BCL9L: variants seen among roughly 807,000 people sequenced by gnomAD.
BCL9L encodes the protein BCL9 like.
In BCL9L, 19 loss-of-function variants were observed where a neutral mutation model predicts 99.4. That is an observed-to-expected ratio of 0.19 (90% CI 0.13 to 0.28). The LOEUF (loss-of-function observed/expected upper bound fraction) is 0.28. Among genes scored for constraint, BCL9L ranks in the 10% least tolerant of loss-of-function variants. BCL9L has a pLI of 1.00. For synonymous variants in BCL9L, 900 were observed against 854.8 expected, an observed-to-expected ratio of 1.05 and a Z score of -0.92; for missense variants, 2,023 against 2,101.6, an observed-to-expected ratio of 0.96 and a Z score of 0.73.
In BCL9L at chr11:118,900,758, G is replaced by A; in HGVS notation, c.2985C>T (p.Leu995=). ...VRSPTGSPSR[L]KSPSMAVPSP... ...AAGGCACCGCCATGGAAGGAGACTT[G>A]AGCCTGCTGGGCGAGCCAGTGGGTG... is the stretch of plus-strand genomic sequence containing the variant. Residue 995 remains leucine, a synonymous_variant, in exon 8 of 10, where the codon CTC becomes CTT. Transcript: ENST00000683865. The surrounding 1 kb of genome is among the most constrained non-coding windows in gnomAD (Gnocchi z 5.3). 2 of 1,613,800 alleles carry A rather than the reference G, an allele frequency of 1.2e-6. No individual in the cohort carries two copies. The highest frequency in any genetic ancestry group is 2.2e-5 in the East Asian group (1 of 44,878).
At chr11:118,915,834 T>G (rs774511356) in intron 2 of BCL9L, among the ~76,000 whole-genome samples, 1 of 152,150 alleles carries the variant, frequency 6.6e-6, no homozygotes, top group African/African-American at 2.4e-5. Context: ...TTCTGGAAAG[T>G]AGGGGGCCCA....
chr11:118,913,651 C>T (rs1310058197), intron 2 of BCL9L, among the ~76,000 whole-genome samples: 1 of 152,194 alleles, frequency 6.6e-6, no homozygotes, highest in Non-Finnish European at 1.5e-5. Context: ...CAGGCACAAA[C>T]AACCAACACA....
chr11:118,908,167 G>A, intron 4 of BCL9L, 103 bp downstream of exon 4: 1 of 1,435,878 alleles, frequency 7.0e-7, no homozygotes, highest in South Asian at 1.5e-5. Flanking sequence ...AAGAACGTGG[G>A]ATGAGGACTG....
chr11:118,918,241 G>GTT (rs1565629703), intron 2 of BCL9L, among the ~76,000 whole-genome samples: 10 of 152,090 alleles, frequency 6.6e-5, no homozygotes, highest in African/African-American at 2.4e-4. Context: ...AGTAAGGAAG[G>GTT]GGGGCTGGCG....
Position 118,903,031 on chromosome 11 carries a change from C to T in BCL9L, c.793G>A (p.Ala265Thr), listed in dbSNP as rs750469520. The change falls in exon 7 of 10, where the codon GCC (alanine) becomes ACC (threonine). Residue 265 changes from alanine (A) to threonine (T), a missense_variant. Physicochemically the swap from Ala to Thr is moderately conservative, Grantham distance 58. Coordinates refer to ENST00000683865, the MANE Select transcript of BCL9L (RefSeq NM_001378213.1). The surrounding 1 kb of genome is among the most constrained non-coding windows in gnomAD (Gnocchi z 5.6). ...VLQGRADSILAYHQQNVPRAK... is the reference protein window; with the variant it reads ...VLQGRADSILTYHQQNVPRAK... ...CGGGGCACGTTCTGCTGGTGGTAGG[C>T]GAGGATGGAGTCGGCCCGGCCCTGC... 3.0e-5 allele frequency: 48 copies of T among 1,594,462 alleles called. No homozygotes were observed. The highest frequency in any genetic ancestry group is 3.9e-5 in the Non-Finnish European group (46 of 1,174,468).
chr11:118,909,031 G>A (rs976358701), intron 3 of BCL9L, among the ~76,000 whole-genome samples: 5 of 152,212 alleles, frequency 3.3e-5, no homozygotes, highest in Non-Finnish European at 7.3e-5. Context: ...AAGATCTGCT[G>A]TCTTCAGACT....
chr11:118,901,347 T>G lies in BCL9L; in HGVS notation c.2396A>C (p.Lys799Thr), dbSNP rs745668931. 1.2e-6 allele frequency: 2 copies of G among 1,613,802 alleles called. No homozygotes were observed. The highest frequency in any genetic ancestry group is 1.7e-6 in the Non-Finnish European group (2 of 1,179,976). ...CATCAAGTCCCCAGGGCCCCGCATC[T>G]TCTGCGACATCAGCATCTGCTGCTG... is the stretch of plus-strand genomic sequence containing the variant. ...TPQQQMLMSQ[K>T]MRGPGDLMGP... Residue 799 changes from lysine (K) to threonine (T), a missense_variant, in exon 8 of 10, where the codon AAG becomes ACG. Transcript: ENST00000683865. The surrounding 1 kb of genome is among the most constrained non-coding windows in gnomAD (Gnocchi z 6.6).
intron 2 of BCL9L, among the ~76,000 whole-genome samples, chr11:118,912,785 A>G (rs1342242575): frequency 2.0e-5 from 3 of 152,098 alleles, no homozygotes; most frequent in Non-Finnish European, 4.4e-5. Context: ...CAGTGAGGAA[A>G]TGTTTTGGAG....
Position 118,901,136 on chromosome 11 carries a change from C to A in BCL9L, c.2607G>T (p.Met869Ile). 1 of 1,613,590 alleles carries A rather than the reference C, an allele frequency of 6.2e-7. No homozygotes were observed. The highest frequency in any genetic ancestry group is 8.5e-7 in the Non-Finnish European group (1 of 1,179,686). ...MSQDMGNTQD[M>I]FSPDQSSMPM... ...GCATTGAGCTCTGATCAGGGCTGAA[C>A]ATGTCTTGGGTATTGCCCATGTCCT... The change falls in exon 8 of 10, where the codon ATG becomes ATT. Residue 869 changes from methionine to isoleucine, a missense_variant. Physicochemically the swap from Met to Ile is conservative, Grantham distance 10 (BLOSUM62 1). Transcript: ENST00000683865. The surrounding 1 kb of genome is among the most constrained non-coding windows in gnomAD (Gnocchi z 6.6).
At chr11:118,923,175 G>A (rs904625387) in intron 1 of BCL9L, among the ~76,000 whole-genome samples, 1 of 152,118 alleles carries the variant, frequency 6.6e-6, no homozygotes, top group East Asian at 1.9e-4. Context: ...CCACTCCTGG[G>A]CTCCATGGAG....
At chr11:118,909,720 T>C (rs542965283) in intron 3 of BCL9L, among the ~76,000 whole-genome samples, 194 bp downstream of exon 3, 1 of 152,056 alleles carries the variant, frequency 6.6e-6, no homozygotes, top group African/African-American at 2.4e-5. Flanking sequence ...GCCCAGGCAC[T>C]AAGGCTGGCT....
chr11:118,900,321 C>T lies in BCL9L; in HGVS notation c.3125-123G>A. 1 of 1,175,164 alleles carries T rather than the reference C, an allele frequency of 8.5e-7. No individual in the cohort carries two copies. The highest frequency in any genetic ancestry group is 1.6e-5 in the South Asian group (1 of 61,764). The allele number at this position is 1,175,164 out of a possible 1,614,324, so 72.8% of individuals were successfully genotyped here. On this transcript the variant is annotated intron_variant, in intron 8 of 9. Transcript: ENST00000683865. The surrounding 1 kb of genome is among the most constrained non-coding windows in gnomAD (Gnocchi z 5.3). ...CAAATCACCTGGTCCTTCAGACACA[C>T]CCACAGGCCCCCACTATCTCCAGAG...
Position 118,899,246 on chromosome 11 carries a change from G to A in BCL9L, c.3669C>T (p.Ser1223=). Residue 1223 remains serine, a synonymous_variant, in exon 10 of 10, where the codon TCC becomes TCT. Transcript: ENST00000683865. The stretch of plus-strand genomic sequence containing the variant: ...GCCGAGGGGGGAAGGGCATCATCTG[G>A]GAGGAGCTGGGCACTGGGCCACAGG... ...NAPCGPVPSS[S]QMMPFPPRLQ... The A allele has an allele frequency of 6.6e-7, 1 of 1,518,972 alleles. No individual in the cohort carries two copies. The highest frequency in any genetic ancestry group is 1.4e-5 in the African/African-American group (1 of 72,472). 94.1% of individuals were successfully genotyped at this position (1,518,972 alleles called of 1,614,324 possible).
intron 2 of BCL9L, among the ~76,000 whole-genome samples, chr11:118,918,569 A>T (rs1941044418): frequency 6.6e-6 from 1 of 151,822 alleles, no homozygotes; most frequent in African/African-American, 2.4e-5. Flanking sequence ...GCCTGGCTCT[A>T]ACCCCTCCCA....
intron 2 of BCL9L, among the ~76,000 whole-genome samples, chr11:118,912,235 A>G (rs996274785): frequency 1.1e-4 from 16 of 152,226 alleles, no homozygotes; most frequent in African/African-American, 3.6e-4. Context: ...ATGCAATTTT[A>G]AAGCACCCAG....
At chr11:118,908,764 G>C in intron 3 of BCL9L, 109 bp from the exon 4 acceptor site, 1 of 862,990 alleles carries the variant, frequency 1.2e-6, no homozygotes, top group Non-Finnish European at 1.8e-6. Flanking sequence ...AGGGTGGGGG[G>C]AAGGGGTGGT....
At position 118,902,116 on chromosome 11, in the gene BCL9L, T is replaced by C. The variant is rs78780803; in HGVS notation, c.1627A>G (p.Ser543Gly). 21,694 of 1,613,902 alleles carry C rather than the reference T, an allele frequency of 0.013. 467 individuals are homozygous for C. The highest frequency in any genetic ancestry group is 0.094 in the East Asian group (4,196 of 44,836). ...CCCATCATGTCCTGCAGAGGACGGC[T>C]CCCATGCAGCCCAATCTGTTCCTCT... ...RKEEQIGLHG[S>G]RPLQDMMGMG... Residue 543 changes from serine (S) to glycine (G), a missense_variant, in exon 8 of 10, where the codon AGC becomes GGC. Physicochemically the swap from Ser to Gly is moderately conservative, Grantham distance 56. This residue lies in a region of BCL9L where 1,116 missense variants were observed against 1,194.6 expected (regional missense o/e 0.93). Transcript: ENST00000683865. This position sits in a 1 kb window ranked among gnomAD's most constrained non-coding sequence, Gnocchi z 7.8.
intron 3 of BCL9L, 152 bp from the exon 4 acceptor site, chr11:118,908,807 C>T: frequency 1.6e-6 from 1 of 642,558 alleles, no homozygotes; most frequent in Non-Finnish European, 2.7e-6. Flanking sequence ...TTCTCTACCT[C>T]CCTCCATGGC....
In BCL9L at chr11:118,910,143, AGAGGATTAC is replaced by A. The variant is rs1276652408; in HGVS notation, c.-76-137_-76-129del. 5 of 658,020 alleles carry A rather than the reference AGAGGATTAC, an allele frequency of 7.6e-6. No individual in the cohort carries two copies. The African/African-American group carries it at 9.1e-5, about 12-fold the overall frequency. The allele number at this position is 658,020 out of a possible 1,614,324, so 40.8% of individuals were successfully genotyped here. On this transcript the variant is annotated intron_variant, in intron 2 of 9. Transcript: ENST00000683865. ...GATAGGGTGGGGTGGCACTGGAAAA[AGAGGATTAC>A]GAGATGGGGTCTCGATCCTGGAGGC...
Sources: gnomAD v4.1 joint callset for allele counts (sites outside exome capture counted in the v4.1 genomes callset) on GRCh38, gnomAD v4.1.1 for gene constraint, gnomAD v4.1.1 regional missense constraint, Gnocchi (gnomAD v3.1) non-coding constraint, MANE v1.5 for transcripts, NCBI Gene and HGNC (gene_info 2026-07-23, HGNC 2026-07-21) for gene names.